The following SLC16A10 variants were observed in gnomAD, a reference collection of about 807,000 sequenced individuals.
The protein encoded by SLC16A10 is solute carrier family 16 member 10.
A neutral mutation model predicts 40.0 loss-of-function variants in SLC16A10; 27 were observed. That is an observed-to-expected ratio of 0.67 (90% CI 0.50 to 0.93). SLC16A10 has a LOEUF of 0.93. Ranked by LOEUF, SLC16A10 falls within the 40% of genes least tolerant of loss-of-function variation. SLC16A10 has a pLI of 0.00. For synonymous variants in SLC16A10, 213 were observed against 249.8 expected (o/e 0.85, Z 1.39); for missense variants, 529 against 658.2 (o/e 0.80, Z 2.15).
intron 3 of SLC16A10, among the ~76,000 whole-genome samples, chr6:111,188,927 A>T (rs1481724812): frequency 1.3e-5 from 2 of 152,218 alleles, no homozygotes; most frequent in Non-Finnish European, 2.9e-5. Flanking sequence ...AGGTTTGCCT[A>T]AGGTTGCACA....
chr6:111,088,269 C>G (rs1770907258), intron 1 of SLC16A10, among the ~76,000 whole-genome samples, 174 bp downstream of exon 1: 1 of 152,152 alleles, frequency 6.6e-6, no homozygotes, highest in Non-Finnish European at 1.5e-5. Flanking sequence ...CTTCTGGGGC[C>G]TCGGGGTGCC....
chr6:111,144,105 G>A (rs1306358939), intron 1 of SLC16A10, among the ~76,000 whole-genome samples: 1 of 151,750 alleles, frequency 6.6e-6, no homozygotes, highest in African/African-American at 2.4e-5. Context: ...CGAGAAATCT[G>A]TTTACCTTCC....
intron 4 of SLC16A10, among the ~76,000 whole-genome samples, chr6:111,209,029 C>A (rs1244426186): frequency 6.6e-6 from 1 of 151,720 alleles, no homozygotes; most frequent in East Asian, 1.9e-4. Flanking sequence ...GAGACCTCAT[C>A]TCTACCAAAA....
At chr6:111,140,506 C>T (rs577892560) in intron 1 of SLC16A10, among the ~76,000 whole-genome samples, 6 of 152,102 alleles carry the variant, frequency 3.9e-5, no homozygotes, top group African/African-American at 1.2e-4. Context: ...AGCCCAACTG[C>T]ACTTCTTCAC....
chr6:111,149,607 G>A (rs150563014), intron 1 of SLC16A10, among the ~76,000 whole-genome samples: 4 of 152,166 alleles, frequency 2.6e-5, no homozygotes, highest in Non-Finnish European at 5.9e-5. Context: ...TTATAATAAA[G>A]AGTAGCATTC....
intron 1 of SLC16A10, among the ~76,000 whole-genome samples, chr6:111,125,074 G>A (rs957854478): frequency 1.3e-5 from 2 of 152,138 alleles, no homozygotes; most frequent in African/African-American, 4.8e-5. Flanking sequence ...TCTTATTAAA[G>A]TATTTTACAT....
intron 1 of SLC16A10, among the ~76,000 whole-genome samples, chr6:111,100,680 G>A (rs1468914545): frequency 6.6e-6 from 1 of 152,026 alleles, no homozygotes; most frequent in East Asian, 1.9e-4. Flanking sequence ...ACCGTGCCCG[G>A]CCTACAGTTG....
intron 1 of SLC16A10, among the ~76,000 whole-genome samples, chr6:111,140,903 A>C (rs1583323918): frequency 6.6e-6 from 1 of 152,244 alleles, no homozygotes; most frequent in East Asian, 1.9e-4. Context: ...CTCCCGCCTC[A>C]GCCTCCCAAG....
chr6:111,167,473 A>T (rs1772496063), intron 1 of SLC16A10, among the ~76,000 whole-genome samples: 1 of 152,096 alleles, frequency 6.6e-6, no homozygotes, highest in African/African-American at 2.4e-5. Flanking sequence ...GAGTTCTGAG[A>T]TGACCCTGTG....
intron 1 of SLC16A10, among the ~76,000 whole-genome samples, chr6:111,106,334 G>A (rs1418736778): frequency 6.6e-6 from 1 of 152,084 alleles, no homozygotes; most frequent in Non-Finnish European, 1.5e-5. Flanking sequence ...CATTTGTTAC[G>A]TGTATGGTAT....
intron 1 of SLC16A10, among the ~76,000 whole-genome samples, chr6:111,100,986 CTCTCTCTATA>C (rs1323377905): frequency 0.082 from 7,312 of 88,684 alleles, 165 homozygotes; most frequent in Non-Finnish European, 0.1. Flanking sequence ...CTCTCTCTCT[CTCTCTCTATA>C]TATATATATA....
At chr6:111,092,598 G>A (rs1771000381) in intron 1 of SLC16A10, among the ~76,000 whole-genome samples, 1 of 151,384 alleles carries the variant, frequency 6.6e-6, no homozygotes, top group Admixed American at 6.6e-5. Flanking sequence ...ACAGGCATAA[G>A]CCACCGCGCC....
intron 1 of SLC16A10, among the ~76,000 whole-genome samples, chr6:111,144,163 TA>T (rs1297499471): frequency 6.6e-6 from 1 of 152,150 alleles, no homozygotes; most frequent in Non-Finnish European, 1.5e-5. Flanking sequence ...AAAAAGGTCT[TA>T]AAAAATAAAA....
intron 3 of SLC16A10, among the ~76,000 whole-genome samples, chr6:111,185,199 A>C (rs930878095): frequency 6.6e-6 from 1 of 152,274 alleles, no homozygotes; most frequent in African/African-American, 2.4e-5. Context: ...GTGCTTGTTC[A>C]AAGCCATTCG....
intron 1 of SLC16A10, among the ~76,000 whole-genome samples, chr6:111,098,369 G>A (rs1237612375): frequency 6.6e-6 from 1 of 152,082 alleles, no homozygotes; most frequent in Non-Finnish European, 1.5e-5. Flanking sequence ...AACAGCCTGG[G>A]CAACATAGTG....
At chr6:111,095,838 G>A (rs1459527631) in intron 1 of SLC16A10, among the ~76,000 whole-genome samples, 2 of 152,218 alleles carry the variant, frequency 1.3e-5, no homozygotes, top group African/African-American at 2.4e-5. Flanking sequence ...CCCTAGCCAT[G>A]TGGAACTGTG....
intron 1 of SLC16A10, among the ~76,000 whole-genome samples, chr6:111,139,999 T>C (rs796752283): frequency 6.6e-6 from 1 of 152,180 alleles, no homozygotes; most frequent in South Asian, 2.1e-4. Flanking sequence ...CACTGGGATC[T>C]ACTTGAGTGG....
intron 1 of SLC16A10, among the ~76,000 whole-genome samples, chr6:111,135,343 A>T (rs902471829): frequency 5.9e-5 from 9 of 152,146 alleles, no homozygotes; most frequent in Admixed American, 5.2e-4. Flanking sequence ...ACTCCAAAAG[A>T]TTGTTAAGGA....
chr6:111,159,067 C>CAAAAAAAAAAAAAA (rs548809670), intron 1 of SLC16A10, among the ~76,000 whole-genome samples: 1 of 23,394 alleles, frequency 4.3e-5, no homozygotes, highest in Non-Finnish European at 8.1e-5. Context: ...GACCCTGACT[C>CAAAAAAAAAAAAAA]AAAAAAAAAA....
Sources: gnomAD v4.1 joint callset for allele counts (sites outside exome capture counted in the v4.1 genomes callset) on GRCh38, gnomAD v4.1.1 for gene constraint, MANE v1.5 for transcripts, NCBI Gene and HGNC (gene_info 2026-07-23, HGNC 2026-07-21) for gene names.